TBC1D22A: variants seen among roughly 807,000 people sequenced by gnomAD.
TBC1D22A encodes TBC1 domain family member 22A.
TBC1D22A carries 38 observed loss-of-function variants against 60.2 expected under a neutral mutation model. That is an observed-to-expected ratio of 0.63 (90% confidence interval 0.49 to 0.83). The LOEUF is 0.83. Among genes scored for constraint, TBC1D22A ranks in the 40% least tolerant of loss-of-function variants. The pLI is 0.00. For synonymous variants in TBC1D22A, 302 were observed against 281.7 expected, an observed-to-expected ratio of 1.07 and a Z score of -0.72; for missense variants, 628 against 701.0, an observed-to-expected ratio of 0.90 and a Z score of 1.18.
chr22:47,106,481 A>G (rs1176257618), intron 11 of TBC1D22A, among the ~76,000 whole-genome samples: 2 of 152,246 alleles, frequency 1.3e-5, no homozygotes, highest in Non-Finnish European at 2.9e-5. Flanking sequence ...AAGATGATAG[A>G]GTATCATCTT....
intron 8 of TBC1D22A, among the ~76,000 whole-genome samples, chr22:46,961,748 A>G (rs896290308): frequency 6.6e-6 from 1 of 152,202 alleles, no homozygotes; most frequent in African/African-American, 2.4e-5. Flanking sequence ...TGGCTCTGTC[A>G]GGGTTTGAAA....
intron 12 of TBC1D22A, among the ~76,000 whole-genome samples, chr22:47,130,556 T>C (rs879300517): frequency 6.6e-6 from 1 of 152,206 alleles, no homozygotes; most frequent in South Asian, 2.1e-4. Context: ...TCTCCTCTCT[T>C]ACAGTGTCCA....
chr22:46,766,408 C>T lies in TBC1D22A; in HGVS notation c.62+3560C>T, dbSNP rs576102087. ...CCTCCCAAAGTTCTGGGATTACAGG[C>T]GTGAGCCACCACACCCAGCCTTGTT... On this transcript the variant is annotated intron_variant, in intron 1 of 12. Coordinates refer to ENST00000337137, the MANE Select transcript of TBC1D22A (RefSeq NM_014346.5). Among the ~76,000 whole-genome samples the T allele has an allele frequency of 1.2e-4, 19 of 152,308 alleles. No homozygotes were observed. The East Asian group carries it at 2.9e-3, about 23-fold the overall frequency.
chr22:46,986,310 G>C (rs1177271123), intron 9 of TBC1D22A, among the ~76,000 whole-genome samples: 2 of 151,984 alleles, frequency 1.3e-5, no homozygotes, highest in Non-Finnish European at 2.9e-5. Flanking sequence ...TCATGGGTTG[G>C]GTAAGGCCAG....
chr22:47,047,179 T>C (rs129343), intron 11 of TBC1D22A, among the ~76,000 whole-genome samples: 107,924 of 152,092 alleles, frequency 0.71, 38,836 homozygotes, highest in East Asian at 0.92. Flanking sequence ...CCTTCCCTGC[T>C]TGCATGTAGC....
At chr22:47,159,021 CACACACACACACCATGTAT>C (rs1252658468) in intron 12 of TBC1D22A, among the ~76,000 whole-genome samples, 32 of 97,582 alleles carry the variant, frequency 3.3e-4, no homozygotes, top group Middle Eastern at 4.6e-3. Context: ...ACCATATATA[CACACACACACACCATGTAT>C]ACACACACAC....
intron 3 of TBC1D22A, among the ~76,000 whole-genome samples, chr22:46,796,961 G>A (rs894293694): frequency 6.6e-6 from 1 of 152,222 alleles, no homozygotes; most frequent in African/African-American, 2.4e-5. Flanking sequence ...CCCTCGCAGC[G>A]CCCTGGTTCC....
At chr22:46,959,765 C>A (rs1477612350) in intron 8 of TBC1D22A, among the ~76,000 whole-genome samples, 2 of 152,188 alleles carry the variant, frequency 1.3e-5, no homozygotes, top group Non-Finnish European at 2.9e-5. Context: ...TCACTCTTGT[C>A]GGGAGGTTTT....
At chr22:46,826,117 G>A (rs764900869) in intron 4 of TBC1D22A, among the ~76,000 whole-genome samples, 11 of 152,044 alleles carry the variant, frequency 7.2e-5, no homozygotes, top group Middle Eastern at 3.4e-3. Context: ...TCCTGACCTC[G>A]TGATCCGCCC....
chr22:47,064,037 T>C (rs2063675678), intron 11 of TBC1D22A, among the ~76,000 whole-genome samples: 1 of 150,730 alleles, frequency 6.6e-6, no homozygotes. Flanking sequence ...CCTACTCCAG[T>C]GTGGCCTCCT....
chr22:47,073,707 C>T (rs1208026540), intron 11 of TBC1D22A, among the ~76,000 whole-genome samples: 3 of 152,182 alleles, frequency 2.0e-5, no homozygotes, highest in African/African-American at 4.8e-5. Flanking sequence ...ATTTAAAAAT[C>T]GCACCAGACA....
chr22:46,923,480 G>T (rs886568327), intron 8 of TBC1D22A, among the ~76,000 whole-genome samples: 1 of 152,230 alleles, frequency 6.6e-6, no homozygotes, highest in South Asian at 2.1e-4. Flanking sequence ...CTCGAAGGTA[G>T]CCTGGGTCTC....
At chr22:47,050,843 A>G (rs1288842523) in intron 11 of TBC1D22A, among the ~76,000 whole-genome samples, 1 of 152,182 alleles carries the variant, frequency 6.6e-6, no homozygotes, top group Non-Finnish European at 1.5e-5. Context: ...TCTGTCTGCC[A>G]TGCCCTGGAC....
intron 8 of TBC1D22A, 50 bp downstream of exon 8, chr22:46,912,238 T>G (rs1245523975): frequency 7.7e-7 from 1 of 1,303,960 alleles, no homozygotes; most frequent in Non-Finnish European, 1.1e-6. Context: ...ACTTGCTGTG[T>G]GTTACTATGT....
chr22:46,882,454 G>C (rs1255455575), intron 5 of TBC1D22A, among the ~76,000 whole-genome samples: 1 of 152,168 alleles, frequency 6.6e-6, no homozygotes, highest in Admixed American at 6.5e-5. Flanking sequence ...GGCTCCAGTG[G>C]GGCAAGGTGG....
intron 8 of TBC1D22A, among the ~76,000 whole-genome samples, chr22:46,928,798 A>G (rs1412576009): frequency 2.6e-5 from 4 of 152,238 alleles, no homozygotes; most frequent in Non-Finnish European, 5.9e-5. Context: ...AGCAATAAAT[A>G]AAAGATGGCC....
chr22:47,158,572 C>T (rs559881318), intron 12 of TBC1D22A, among the ~76,000 whole-genome samples: 7 of 152,230 alleles, frequency 4.6e-5, no homozygotes, highest in African/African-American at 1.7e-4. Context: ...CAGGCTGTGC[C>T]CGCCCTCCCA....
chr22:47,155,946 C>T (rs1261799316), intron 12 of TBC1D22A, among the ~76,000 whole-genome samples: 1 of 152,228 alleles, frequency 6.6e-6, no homozygotes, highest in African/African-American at 2.4e-5. Flanking sequence ...AGGCAGTTTT[C>T]CTACCAGGAC....
intron 10 of TBC1D22A, among the ~76,000 whole-genome samples, chr22:47,034,809 G>A (rs1053328303): frequency 6.6e-6 from 1 of 152,222 alleles, no homozygotes; most frequent in Admixed American, 6.5e-5. Flanking sequence ...GACGATAATT[G>A]ACTTTATGGC....
Sources: gnomAD v4.1 joint callset for allele counts (sites outside exome capture counted in the v4.1 genomes callset) on GRCh38, gnomAD v4.1.1 for gene constraint, MANE v1.5 for transcripts, NCBI Gene and HGNC (gene_info 2026-07-23, HGNC 2026-07-21) for gene names.